The following KCNIP4 variants were observed in gnomAD, a reference collection of about 807,000 sequenced individuals.
KCNIP4 encodes the protein potassium voltage-gated channel interacting protein 4.
Under a neutral mutation model 34.0 loss-of-function variants are expected in KCNIP4, and 12 were observed. The observed-to-expected ratio is 0.35, with a 90% CI of 0.23 to 0.57. The LOEUF (loss-of-function observed/expected upper bound fraction) is 0.57. KCNIP4 is among the 20% of genes least tolerant of loss of function. The probability of loss-of-function intolerance (pLI) is 0.83; values close to 1 mark genes in which losing one functional copy is unlikely to be tolerated. For missense variants in KCNIP4, 238 were observed against 311.7 expected, an observed-to-expected ratio of 0.76 and a Z score of 1.78; for synonymous variants, 124 against 102.2, an observed-to-expected ratio of 1.21 and a Z score of -1.29.
intron 1 of KCNIP4, among the ~76,000 whole-genome samples, chr4:20,993,629 C>G (rs767137219): frequency 2.0e-5 from 3 of 152,180 alleles, no homozygotes; most frequent in Admixed American, 6.5e-5. Flanking sequence ...ATGAGTTTTC[C>G]TAGAACTCAC....
chr4:21,577,370 C>T (rs868630197), intron 1 of KCNIP4, among the ~76,000 whole-genome samples: 1 of 152,144 alleles, frequency 6.6e-6, no homozygotes, highest in Non-Finnish European at 1.5e-5. Context: ...TGGCTCACCC[C>T]TGTAATCCCA....
Position 20,956,596 on chromosome 4 carries a change from T to G in KCNIP4, c.62-73887A>C, listed in dbSNP as rs183855294. On this transcript the variant is annotated intron_variant, in intron 1 of 8. Coordinates refer to ENST00000382152, the MANE Select transcript of KCNIP4 (RefSeq NM_025221.6). ...CTTTATTTAAGGTGATGTTCAAAAA[T>G]GTACTCACTGCAGAAGAATAAAACA... is the stretch of plus-strand genomic sequence containing the variant. 1.8e-3 allele frequency among the ~76,000 whole-genome samples: 274 copies of G among 152,202 alleles called. 1 individual carries two copies. Among genetic ancestry groups the G allele is most frequent in the African/African-American group, 6.1e-3 (255 of 41,532 alleles).
intron 1 of KCNIP4, among the ~76,000 whole-genome samples, chr4:21,462,666 T>C (rs917262164): frequency 2.6e-5 from 4 of 152,106 alleles, no homozygotes; most frequent in Non-Finnish European, 5.9e-5. Flanking sequence ...TTTGTCTTTC[T>C]GTGTTAGGTT....
chr4:21,557,156 T>C (rs888592474), intron 1 of KCNIP4, among the ~76,000 whole-genome samples: 3 of 152,094 alleles, frequency 2.0e-5, no homozygotes, highest in African/African-American at 7.2e-5. Flanking sequence ...TTATCTGTTT[T>C]CTCTTAAATA....
intron 1 of KCNIP4, among the ~76,000 whole-genome samples, chr4:21,388,966 A>G (rs1291233502): frequency 2.8e-5 from 4 of 144,480 alleles, no homozygotes; most frequent in Admixed American, 2.2e-4. Context: ...TGCAAGCTTT[A>G]TGTTGACATA....
chr4:21,816,435 C>T (rs897333176), intron 1 of KCNIP4, among the ~76,000 whole-genome samples: 1 of 151,992 alleles, frequency 6.6e-6, no homozygotes, highest in Admixed American at 6.6e-5. Flanking sequence ...ATAATTCACC[C>T]ATCAAATAAA....
rs1389978700 is a variant in KCNIP4, at chr4:21,837,131, A to G, written c.61+111440T>C. 3.3e-5 allele frequency among the ~76,000 whole-genome samples: 5 copies of G among 150,178 alleles called. No homozygotes were observed. In the East Asian group the frequency reaches 1.0e-3, roughly 31 times the overall value. On this transcript the variant is annotated intron_variant, in intron 1 of 8. Transcript: ENST00000382152. Reference sequence around the variant, plus strand: ...ATGGGGTTTCACCATGTTAGCCAGGATGGTCTCGATCTCCTGACCTTGTGA... The same window carrying G: ...ATGGGGTTTCACCATGTTAGCCAGGGTGGTCTCGATCTCCTGACCTTGTGA...
chr4:21,547,404 T>A (rs75909515), intron 1 of KCNIP4, among the ~76,000 whole-genome samples: 9,316 of 152,172 alleles, frequency 0.061, 420 homozygotes, highest in South Asian at 0.17. Flanking sequence ...AGATTATATC[T>A]ATATATATGA....
intron 1 of KCNIP4, among the ~76,000 whole-genome samples, chr4:21,798,237 A>G (rs1720748352): frequency 6.6e-6 from 1 of 151,784 alleles, no homozygotes; most frequent in Admixed American, 6.6e-5. Context: ...GGATATGTGT[A>G]TAGTATACTC....
intron 1 of KCNIP4, among the ~76,000 whole-genome samples, chr4:21,749,362 GTT>G (rs1190177854): frequency 6.6e-6 from 1 of 152,136 alleles, no homozygotes. Context: ...TGGGTAATTA[GTT>G]TCCACGATGA....
intron 1 of KCNIP4, among the ~76,000 whole-genome samples, chr4:20,984,342 G>C (rs991418687): frequency 6.6e-5 from 10 of 152,242 alleles, no homozygotes; most frequent in Non-Finnish European, 4.4e-5. Context: ...GAGGACGCGA[G>C]GCTGGGCAGA....
chr4:20,800,513 A>C (rs1376326503), intron 3 of KCNIP4, among the ~76,000 whole-genome samples: 1 of 152,244 alleles, frequency 6.6e-6, no homozygotes, highest in East Asian at 1.9e-4. Flanking sequence ...AAGAGAATAC[A>C]CATAGGCGAT....
intron 1 of KCNIP4, among the ~76,000 whole-genome samples, chr4:21,254,967 T>G (rs1760965677): frequency 6.6e-6 from 1 of 152,200 alleles, no homozygotes; most frequent in Admixed American, 6.5e-5. Context: ...CATCAACTGA[T>G]GAACCACTAT....
intron 1 of KCNIP4, among the ~76,000 whole-genome samples, chr4:21,747,202 G>A (rs1716835123): frequency 6.6e-6 from 1 of 152,024 alleles, no homozygotes; most frequent in Non-Finnish European, 1.5e-5. Flanking sequence ...TTATGCCCCA[G>A]AAATAAAAAC....
chr4:21,521,204 G>T (rs1392891338), intron 1 of KCNIP4, among the ~76,000 whole-genome samples: 1 of 152,144 alleles, frequency 6.6e-6, no homozygotes, highest in Non-Finnish European at 1.5e-5. Flanking sequence ...AAACAGAACA[G>T]ATACACTTTT....
chr4:21,409,220 C>T (rs1724273549), intron 1 of KCNIP4, among the ~76,000 whole-genome samples: 1 of 151,796 alleles, frequency 6.6e-6, no homozygotes, highest in African/African-American at 2.4e-5. Flanking sequence ...CATCTCCCCA[C>T]CTCAGCCTCC....
At chr4:21,790,763 T>C (rs1720224030) in intron 1 of KCNIP4, among the ~76,000 whole-genome samples, 1 of 151,966 alleles carries the variant, frequency 6.6e-6, no homozygotes, top group African/African-American at 2.4e-5. Flanking sequence ...AACCATATCC[T>C]TGAAGGGTGG....
chr4:21,481,735 TG>T (rs1426687167), intron 1 of KCNIP4, among the ~76,000 whole-genome samples: 9 of 152,192 alleles, frequency 5.9e-5, no homozygotes, highest in African/African-American at 2.2e-4. Flanking sequence ...GGGCCACTTG[TG>T]GCTCATTGAA....
chr4:21,224,880 C>A (rs1758261297), intron 1 of KCNIP4, among the ~76,000 whole-genome samples: 1 of 152,066 alleles, frequency 6.6e-6, no homozygotes, highest in Non-Finnish European at 1.5e-5. Context: ...AGCCACCACA[C>A]CTGGCCCCAA....
Sources: gnomAD v4.1 joint callset for allele counts (sites outside exome capture counted in the v4.1 genomes callset) on GRCh38, gnomAD v4.1.1 for gene constraint, MANE v1.5 for transcripts, NCBI Gene and HGNC (gene_info 2026-07-23, HGNC 2026-07-21) for gene names.